Variants in VWA5A observed in about 807,000 individuals in gnomAD.
VWA5A encodes von Willebrand factor A domain-containing protein 5A.
Under a neutral mutation model 84.6 loss-of-function variants are expected in VWA5A, and 77 were observed. That is an observed-to-expected ratio of 0.91 (90% CI 0.76 to 1.10). The LOEUF (loss-of-function observed/expected upper bound fraction) is 1.10. Among genes scored for constraint, VWA5A ranks in the 50% least tolerant of loss-of-function variants. The pLI, the probability that VWA5A is intolerant of heterozygous loss-of-function variation, is 0.00. For missense variants in VWA5A, 973 were observed against 963.0 expected, an observed-to-expected ratio of 1.01 and a Z score of -0.14; for synonymous variants, 334 against 350.1, an observed-to-expected ratio of 0.95 and a Z score of 0.51.
intron 17 of VWA5A, among the ~76,000 whole-genome samples, chr11:124,144,737 A>G (rs1860787891): frequency 6.6e-6 from 1 of 152,246 alleles, no homozygotes. Context: ...ATATAACTAG[A>G]GTCAGAATAT....
At chr11:124,135,132 C>A (rs1565619859) in intron 12 of VWA5A, 98 bp downstream of exon 12, 1 of 933,780 alleles carries the variant, frequency 1.1e-6, no homozygotes, top group Non-Finnish European at 1.6e-6. Context: ...TAGCAACTTT[C>A]CTCCAGGATA....
rs1030545800 is a variant in VWA5A at position 124,147,210 on chromosome 11, C to T, written c.*1265C>T. On this transcript the variant is annotated 3_prime_UTR_variant, in exon 19 of 19. Transcript: ENST00000456829. Reference sequence around the variant, plus strand: ...TCTATCTTCTGTTGTAGGCTGACTTCTTTTATATGAAGCAAGTAAAGGATA... The same window carrying T: ...TCTATCTTCTGTTGTAGGCTGACTTTTTTTATATGAAGCAAGTAAAGGATA... 1 of 152,524 alleles carries T rather than the reference C, an allele frequency of 6.6e-6. No individual in the cohort carries two copies. Among genetic ancestry groups the T allele is most frequent in the African/African-American group, 2.4e-5 (1 of 41,412 alleles). 9.4% of individuals were successfully genotyped at this position (152,524 alleles called of 1,614,324 possible).
chr11:124,122,349 A>G (rs1864944818), intron 7 of VWA5A, among the ~76,000 whole-genome samples: 1 of 152,132 alleles, frequency 6.6e-6, no homozygotes. Context: ...CCCCCACACC[A>G]TTGTTTGGAT....
At chr11:124,141,767 C>G (rs753690011) in intron 16 of VWA5A, 26 bp downstream of exon 16, 4 of 1,609,638 alleles carry the variant, frequency 2.5e-6, no homozygotes, top group Non-Finnish European at 3.4e-6. Flanking sequence ...GGAACATTTT[C>G]TCAACAATGT....
intron 7 of VWA5A, 125 bp downstream of exon 7, chr11:124,119,214 TA>T (rs1864893230): frequency 1.2e-6 from 1 of 845,966 alleles, no homozygotes; most frequent in African/African-American, 1.7e-5. Flanking sequence ...AACACTGAAA[TA>T]GTTTACACTA....
At chr11:124,132,701 C>CTT (rs1865116002) in intron 11 of VWA5A, among the ~76,000 whole-genome samples, 1 of 151,984 alleles carries the variant, frequency 6.6e-6, no homozygotes, top group Non-Finnish European at 1.5e-5. Context: ...ACACCAGCAC[C>CTT]TTTGGGTTTG....
intron 2 of VWA5A, 130 bp from the exon 3 acceptor site, chr11:124,117,362 TAAAGG>T: frequency 9.4e-6 from 8 of 854,304 alleles, no homozygotes; most frequent in Admixed American, 6.6e-5. Flanking sequence ...TCCTTTTTTT[TAAAGG>T]TTCCAACTTC....
At chr11:124,136,970 G>T in intron 14 of VWA5A, 45 bp from the exon 15 acceptor site, 7 of 1,588,550 alleles carry the variant, frequency 4.4e-6, no homozygotes, top group Non-Finnish European at 6.0e-6. Flanking sequence ...CTGGTATATG[G>T]ATGTCTTTCC....
In VWA5A at chr11:124,123,793, C is replaced by T. The variant is rs1474532966; in HGVS notation, c.1153C>T (p.His385Tyr). 1.1e-5 allele frequency: 18 copies of T among 1,576,670 alleles called. No individual in the cohort carries two copies. Among genetic ancestry groups the T allele is most frequent in the Non-Finnish European group, 1.4e-5 (16 of 1,165,408 alleles). Residue 385 changes from histidine to tyrosine, a missense_variant, in exon 10 of 19, where the codon CAC (histidine) becomes TAC (tyrosine). By Grantham distance (83) the His-to-Tyr change is moderately conservative. Coordinates refer to ENST00000456829, the MANE Select transcript of VWA5A (RefSeq NM_001130142.2). The part of the protein sequence containing the change: ...NIYRGPSIPG[H>Y]PLQLFVFTDG... ...TTACAGGGGACCCTCCATCCCAGGCCACCCCCTACAGGTAAGAAGTGGAAC... is the reference window on the plus strand; with the variant it reads ...TTACAGGGGACCCTCCATCCCAGGCTACCCCCTACAGGTAAGAAGTGGAAC...
chr11:124,146,039 A>C lies in VWA5A; in HGVS notation c.*94A>C. ...TGATGATGTGTTCTTGTGTATTATA[A>C]CTCTTTATTTTTTGCCATAAAAGTA... On this transcript the variant is annotated 3_prime_UTR_variant, in exon 19 of 19. Coordinates refer to ENST00000456829, the MANE Select transcript of VWA5A (RefSeq NM_001130142.2). 1 of 1,304,024 alleles carries C rather than the reference A, an allele frequency of 7.7e-7. No homozygotes were observed. The highest frequency in any genetic ancestry group is 1.1e-6 in the Non-Finnish European group (1 of 950,918). 80.8% of individuals were successfully genotyped at this position (1,304,024 alleles called of 1,614,324 possible).
intron 13 of VWA5A, 89 bp from the exon 14 acceptor site, chr11:124,136,485 T>C: frequency 1.4e-6 from 2 of 1,446,738 alleles, no homozygotes; most frequent in Non-Finnish European, 1.9e-6. Flanking sequence ...TTTCATACAT[T>C]GTTTTGGGTA....
chr11:124,119,133 C>G (rs1218329410), intron 7 of VWA5A, 44 bp downstream of exon 7: 2 of 1,538,740 alleles, frequency 1.3e-6, no homozygotes, highest in Non-Finnish European at 1.8e-6. Flanking sequence ...AGGGGCAACT[C>G]CCTGTCTTGG....
intron 15 of VWA5A, among the ~76,000 whole-genome samples, chr11:124,137,983 T>C (rs1453150114): frequency 6.6e-6 from 1 of 152,150 alleles, no homozygotes; most frequent in Non-Finnish European, 1.5e-5. Context: ...CTCAGCCTCC[T>C]GAGTGGCTGG....
intron 7 of VWA5A, among the ~76,000 whole-genome samples, chr11:124,122,437 G>A (rs984406228): frequency 2.0e-5 from 3 of 152,150 alleles, no homozygotes; most frequent in African/African-American, 7.2e-5. Context: ...CACACCCAAA[G>A]CAGACAGACT....
intron 17 of VWA5A, among the ~76,000 whole-genome samples, chr11:124,144,819 A>G (rs1170490901): frequency 1.3e-5 from 2 of 152,168 alleles, no homozygotes; most frequent in African/African-American, 4.8e-5. Flanking sequence ...TAATACTTCT[A>G]TATGAAATCA....
At chr11:124,144,925 T>C (rs1257822991) in intron 17 of VWA5A, among the ~76,000 whole-genome samples, 1 of 152,206 alleles carries the variant, frequency 6.6e-6, no homozygotes, top group Non-Finnish European at 1.5e-5. Context: ...TGAAGGTTCT[T>C]TATAAACTAT....
intron 9 of VWA5A, 34 bp from the exon 10 acceptor site, chr11:124,123,626 C>G (rs369565026): frequency 4.1e-5 from 66 of 1,613,976 alleles, no homozygotes; most frequent in Non-Finnish European, 5.4e-5. Context: ...GGTTAAGTAA[C>G]CCTCATGTAA....
rs904929507 is a variant in VWA5A, at chr11:124,137,371, T to G, written c.1879+103T>G. ...GCTGTGAAATGTTCTCAAATTGCTT[T>G]GTTTTCCTTATACCTCCACATCTAG... On this transcript the variant is annotated intron_variant, in intron 15 of 18. Transcript: ENST00000456829. 2.8e-6 allele frequency: 4 copies of G among 1,445,650 alleles called. No homozygotes were observed. In the African/African-American group the frequency reaches 5.7e-5, roughly 21 times the overall value. The allele number at this position is 1,445,650 out of a possible 1,614,324, so 89.6% of individuals were successfully genotyped here.
chr11:124,135,796 C>T (rs1565620171), intron 12 of VWA5A, among the ~76,000 whole-genome samples: 4 of 151,940 alleles, frequency 2.6e-5, no homozygotes, highest in African/African-American at 7.3e-5. Context: ...TCCCAAAGTG[C>T]TGGGATTACA....
Sources: gnomAD v4.1 joint callset for allele counts (sites outside exome capture counted in the v4.1 genomes callset) on GRCh38, gnomAD v4.1.1 for gene constraint, MANE v1.5 for transcripts, NCBI Gene and HGNC (gene_info 2026-07-23, HGNC 2026-07-21) for gene names.